Variants in CHD9 observed in about 807,000 individuals in gnomAD.
CHD9 encodes the protein ATP-dependent chromatin remodeler CHD9.
Under a neutral mutation model 316.1 loss-of-function variants are expected in CHD9, and 77 were observed. The ratio of observed to expected loss-of-function variants is 0.24; its 90% CI spans 0.20 to 0.29. The LOEUF (loss-of-function observed/expected upper bound fraction) is 0.29. Among genes scored for constraint, CHD9 ranks in the 10% least tolerant of loss-of-function variants. CHD9 has a pLI of 1.00. For missense variants in CHD9, 2,763 were observed against 3,438.1 expected, an observed-to-expected ratio of 0.80 and a Z score of 4.91; for synonymous variants, 1,129 against 1,158.3, an observed-to-expected ratio of 0.97 and a Z score of 0.51.
chr16:53,107,459 CAAAATAAAAT>C (rs56705665), intron 1 of CHD9, among the ~76,000 whole-genome samples: 46 of 129,876 alleles, frequency 3.5e-4, no homozygotes, highest in African/African-American at 1.0e-3. Flanking sequence ...CACTCCATCT[CAAAATAAAAT>C]AAAATAAAAT....
intron 1 of CHD9, among the ~76,000 whole-genome samples, chr16:53,118,777 TA>T (rs2038508997): frequency 6.8e-6 from 1 of 146,944 alleles, no homozygotes; most frequent in Non-Finnish European, 1.5e-5. Flanking sequence ...AACATCTCAA[TA>T]AAAAAGATAA....
intron 32 of CHD9, among the ~76,000 whole-genome samples, chr16:53,306,748 T>G (rs2056014312): frequency 6.6e-6 from 1 of 152,134 alleles, no homozygotes; most frequent in South Asian, 2.1e-4. Flanking sequence ...TAAATACATG[T>G]ACATTCAGTG....
rs777940929 is a variant in CHD9 at position 53,235,325 on chromosome 16, TA to T, written c.2633+27del. ...ACAATAGGTATGTAGTATATCTTAATAAAAAAAATTTATTTTTTTAATGTGT... is the reference window on the plus strand; with the variant it reads ...ACAATAGGTATGTAGTATATCTTAATAAAAAAATTTATTTTTTTAATGTGT... On this transcript the variant is annotated intron_variant, in intron 11 of 38. Coordinates refer to ENST00000447540, the MANE Select transcript of CHD9 (RefSeq NM_001308319.2). The T allele has an allele frequency of 4.9e-5, 73 of 1,491,976 alleles. No homozygotes were observed. The South Asian group carries it at 5.7e-4, about 12-fold the overall frequency. The allele number at this position is 1,491,976 out of a possible 1,614,324, so 92.4% of individuals were successfully genotyped here.
chr16:53,092,258 G>T (rs1012303433), intron 1 of CHD9, among the ~76,000 whole-genome samples: 30 of 150,658 alleles, frequency 2.0e-4, no homozygotes, highest in African/African-American at 7.1e-4. Context: ...TTGCTTTGGA[G>T]AATCCAACCC....
At position 53,318,275 on chromosome 16, in the gene CHD9, C is replaced by G; in HGVS notation, c.7648C>G (p.Leu2550Val). 6.2e-7 allele frequency: 1 copy of G among 1,612,944 alleles called. No homozygotes were observed. The highest frequency in any genetic ancestry group is 8.5e-7 in the Non-Finnish European group (1 of 1,179,182). ...KRHRCRNPNKLDVNSLTGEER... is the reference protein window; with the variant it reads ...KRHRCRNPNKVDVNSLTGEER... ...ACACCGTTGCAGAAACCCCAATAAA[C>G]TAGATGTGAATAGTCTCACTGGAGA... Residue 2550 changes from leucine to valine, a missense_variant, in exon 37 of 39, where the codon CTA (leucine) becomes GTA (valine). Around this residue, in one of 15 missense-constraint regions of CHD9, gnomAD observed 19 missense variants for 44.5 expected, o/e 0.43. Transcript: ENST00000447540.
At chr16:53,198,841 T>C (rs192369508) in intron 2 of CHD9, among the ~76,000 whole-genome samples, 22 of 152,308 alleles carry the variant, frequency 1.4e-4, no homozygotes, top group Non-Finnish European at 2.9e-4. Flanking sequence ...GCCTAGGATA[T>C]TTAAGGAAGC....
chr16:53,315,549 G>T (rs1389672263), intron 36 of CHD9, among the ~76,000 whole-genome samples: 1 of 152,070 alleles, frequency 6.6e-6, no homozygotes, highest in Admixed American at 6.5e-5. Context: ...CGTGATCTCG[G>T]CTCACTTCAA....
At chr16:53,148,193 T>C (rs1406493445) in intron 1 of CHD9, among the ~76,000 whole-genome samples, 1 of 152,124 alleles carries the variant, frequency 6.6e-6, no homozygotes, top group Admixed American at 6.6e-5. Flanking sequence ...GGTGTCAGAG[T>C]GAGACTCTGC....
intron 1 of CHD9, among the ~76,000 whole-genome samples, chr16:53,093,492 T>G (rs2036122534): frequency 6.6e-6 from 1 of 152,226 alleles, no homozygotes; most frequent in Non-Finnish European, 1.5e-5. Context: ...GAACTATTTA[T>G]TGAGCACCTG....
intron 3 of CHD9, among the ~76,000 whole-genome samples, chr16:53,212,420 A>AT (rs549427641): frequency 3.6e-4 from 53 of 147,388 alleles, no homozygotes; most frequent in African/African-American, 1.1e-3. Context: ...AAAAAAAAAA[A>AT]TTTTTTTTAA....
intron 22 of CHD9, among the ~76,000 whole-genome samples, chr16:53,272,850 C>T (rs73601699): frequency 0.032 from 4,932 of 152,148 alleles, 98 homozygotes; most frequent in Middle Eastern, 0.071. Context: ...GGGACTTCAA[C>T]TATGTATTAT....
intron 1 of CHD9, among the ~76,000 whole-genome samples, chr16:53,084,615 C>T (rs765625998): frequency 2.0e-5 from 3 of 152,126 alleles, no homozygotes; most frequent in African/African-American, 4.8e-5. Flanking sequence ...TGGTGGTAGG[C>T]GCCTGTAGTC....
At chr16:53,076,981 A>G (rs1053483390) in intron 1 of CHD9, among the ~76,000 whole-genome samples, 3 of 148,696 alleles carry the variant, frequency 2.0e-5, no homozygotes, top group Non-Finnish European at 4.4e-5. Context: ...GGCCCAACTA[A>G]GTTTATTTGT....
chr16:53,237,596 C>CA (rs36021920), intron 11 of CHD9, among the ~76,000 whole-genome samples: 2,403 of 152,178 alleles, frequency 0.016, 29 homozygotes, highest in Non-Finnish European at 0.025. Flanking sequence ...TCTGCTCATT[C>CA]ACTGTGCTCT....
rs762854030 is a variant in CHD9 at position 53,306,385 on chromosome 16, G to A, written c.6768G>A (p.Ser2256=). 2.3e-5 allele frequency: 37 copies of A among 1,582,996 alleles called. No individual in the cohort carries two copies. The highest frequency in any genetic ancestry group is 1.5e-4 in the Admixed American group (8 of 51,894). ...AAGGTGGATATATGCTGGCAGCCTC[G>A]TATTGGCCAAAGGTAAAGAAATAAT... ...ILQGGYMLAA[S]YWPKDRVMIN... The change falls in exon 32 of 39, where the codon TCG becomes TCA. Residue 2256 remains serine (S), a synonymous_variant. Transcript: ENST00000447540.
At position 53,274,106 on chromosome 16, in the gene CHD9, T is replaced by C. The variant is rs570834120; in HGVS notation, c.4878-107T>C. The C allele has an allele frequency of 9.5e-6, 7 of 738,890 alleles. No homozygotes were observed. The African/African-American group carries it at 1.2e-4, about 13-fold the overall frequency. The allele number at this position is 738,890 out of a possible 1,614,324, so 45.8% of individuals were successfully genotyped here. A position where few individuals can be genotyped will look rare whatever the true frequency, so the allele number is the denominator to read the frequency against. ...TCATTTAATCAGAAGTAATATTTCA[T>C]TATTTTAAAATCTGTACACAAATTC... is the stretch of plus-strand genomic sequence containing the variant. On this transcript the variant is annotated intron_variant, in intron 23 of 38. Coordinates refer to ENST00000447540, the MANE Select transcript of CHD9 (RefSeq NM_001308319.2).
Position 53,245,925 on chromosome 16 carries a change from A to G in CHD9, c.3454+75A>G, listed in dbSNP as rs2049543357. ...AATGAATAAATAAACAGAACACACT[A>G]CAGCTGTAGTGGCTGTTATGACTCT... On this transcript the variant is annotated intron_variant, in intron 15 of 38. Transcript: ENST00000447540. This position sits in a 1 kb window ranked among gnomAD's most constrained non-coding sequence, Gnocchi z 4.1. 3 of 1,078,608 alleles carry G rather than the reference A, an allele frequency of 2.8e-6. No individual in the cohort carries two copies. The highest frequency in any genetic ancestry group is 2.2e-5 in the South Asian group (1 of 46,072). 66.8% of individuals were successfully genotyped at this position (1,078,608 alleles called of 1,614,324 possible).
At chr16:53,140,460 G>C (rs8061804) in intron 1 of CHD9, among the ~76,000 whole-genome samples, 4 of 151,650 alleles carry the variant, frequency 2.6e-5, no homozygotes, top group Non-Finnish European at 4.4e-5. Context: ...TTTTGTTTGG[G>C]TGTAATGTTC....
chr16:53,076,408 C>G (rs1263455826), intron 1 of CHD9, among the ~76,000 whole-genome samples: 1 of 152,108 alleles, frequency 6.6e-6, no homozygotes, highest in Non-Finnish European at 1.5e-5. Context: ...AACCCCATCT[C>G]TACTAAAAAT....
Sources: gnomAD v4.1 joint callset for allele counts (sites outside exome capture counted in the v4.1 genomes callset) on GRCh38, gnomAD v4.1.1 for gene constraint, gnomAD v4.1.1 regional missense constraint, Gnocchi (gnomAD v3.1) non-coding constraint, MANE v1.5 for transcripts, NCBI Gene and HGNC (gene_info 2026-07-23, HGNC 2026-07-21) for gene names.